Variants in CALN1 observed in about 807,000 individuals in gnomAD.
CALN1 encodes the protein calneuron 1.
CALN1 carries 17 observed loss-of-function variants against 30.6 expected under a neutral mutation model. The observed-to-expected ratio is 0.56, with a 90% CI of 0.38 to 0.83. The LOEUF is 0.83. Among genes scored for constraint, CALN1 ranks in the 40% least tolerant of loss-of-function variants. The pLI is 0.00. For synonymous variants in CALN1, 156 were observed against 131.4 expected (o/e 1.19, Z -1.28); for missense variants, 291 against 354.9 (o/e 0.82, Z 1.45).
intron 2 of CALN1, among the ~76,000 whole-genome samples, chr7:72,309,790 G>A (rs574066948): frequency 6.6e-6 from 1 of 152,200 alleles, no homozygotes; most frequent in African/African-American, 2.4e-5. Flanking sequence ...ACCTCATTTA[G>A]TCATCTCTCT....
chr7:72,348,141 CG>C (rs1375595796), intron 2 of CALN1, among the ~76,000 whole-genome samples: 2 of 152,228 alleles, frequency 1.3e-5, no homozygotes, highest in East Asian at 3.9e-4. Context: ...AAGAAACTAA[CG>C]GCAAAAACCT....
intron 5 of CALN1, among the ~76,000 whole-genome samples, chr7:71,911,849 G>A (rs1483951760): frequency 6.6e-6 from 1 of 152,052 alleles, no homozygotes; most frequent in African/African-American, 2.4e-5. Context: ...AGGTTTTCAG[G>A]ATATCCTGCC....
intron 2 of CALN1, among the ~76,000 whole-genome samples, chr7:72,346,214 T>C (rs1802633212): frequency 6.6e-6 from 1 of 152,182 alleles, no homozygotes; most frequent in Non-Finnish European, 1.5e-5. Context: ...AATTTAAAAA[T>C]AAACATCAAA....
chr7:72,252,772 C>T (rs1795650345), intron 3 of CALN1, among the ~76,000 whole-genome samples: 1 of 152,088 alleles, frequency 6.6e-6, no homozygotes, highest in African/African-American at 2.4e-5. Flanking sequence ...CCTGTTCCTG[C>T]TTATTTTATT....
In CALN1 at chr7:71,926,146, G is replaced by C. The variant is rs76018141; in HGVS notation, c.501+97511C>G. ...ACAGAAGCTAACTCCCCACATGCTC[G>C]GGCTCCCTAAGCAAGCTTCCTCCTC... On this transcript the variant is annotated intron_variant, in intron 5 of 6. Coordinates refer to ENST00000395275, the MANE Select transcript of CALN1 (RefSeq NM_031468.4). 3.0e-3 allele frequency among the ~76,000 whole-genome samples: 452 copies of C among 152,070 alleles called. 1 individual carries two copies. Among genetic ancestry groups the C allele is most frequent in the Non-Finnish European group, 5.3e-3 (361 of 67,968 alleles).
the CALN1 span, among the ~76,000 whole-genome samples, chr7:72,500,429 C>A: frequency 4.0e-5 from 6 of 151,430 alleles, no homozygotes; most frequent in African/African-American, 9.7e-5. Context: ...TGTAGGCATG[C>A]ACCACCACAC....
At chr7:71,946,134 A>G (rs925467262) in intron 5 of CALN1, among the ~76,000 whole-genome samples, 1 of 152,142 alleles carries the variant, frequency 6.6e-6, no homozygotes, top group Non-Finnish European at 1.5e-5. Context: ...GAAATTGTGG[A>G]TCTTAGGGAA....
At chr7:71,971,953 A>AAGAAAGAAAAGAAAG (rs1797838362) in intron 5 of CALN1, among the ~76,000 whole-genome samples, 2 of 72,838 alleles carry the variant, frequency 2.7e-5, no homozygotes, top group African/African-American at 1.4e-4. Flanking sequence ...AAAAAAAAAA[A>AAGAAAGAAAAGAAAG]AAAGAAAGAA....
intron 5 of CALN1, among the ~76,000 whole-genome samples, chr7:71,900,361 G>C (rs878973111): frequency 6.6e-6 from 1 of 152,156 alleles, no homozygotes. Flanking sequence ...AAAAGACAAA[G>C]TCAAATTATC....
rs1584471573 is a variant in CALN1, at chr7:71,898,378, G to A, written c.502-87886C>T. Among the ~76,000 whole-genome samples, 3 of 152,088 alleles carry A rather than the reference G, an allele frequency of 2.0e-5. No homozygotes were observed. The East Asian group carries it at 5.8e-4, about 29-fold the overall frequency. On this transcript the variant is annotated intron_variant, in intron 5 of 6. Coordinates refer to ENST00000395275, the MANE Select transcript of CALN1 (RefSeq NM_031468.4). ...ATATCCCAAAATTTAAAACTCAATA[G>A]TTGGGTGTAACAGCAGATTGGACAT...
rs1416693158 is a variant in CALN1 at position 72,254,961 on chromosome 7, G to C, written c.244+23725C>G. Among the ~76,000 whole-genome samples the C allele has an allele frequency of 3.3e-5, 5 of 152,000 alleles. No homozygotes were observed. In the East Asian group the frequency reaches 9.7e-4, roughly 30 times the overall value. ...ATGTTTTATTTATTTATTATTTATT[G>C]TTTGTATTTTTAGTAGAGATGGGGT... On this transcript the variant is annotated intron_variant, in intron 3 of 6. Coordinates refer to ENST00000395275, the MANE Select transcript of CALN1 (RefSeq NM_031468.4).
chr7:71,810,576 C>T, intron 5 of CALN1, 84 bp from the exon 6 acceptor site: 2 of 1,396,722 alleles, frequency 1.4e-6, no homozygotes, highest in Non-Finnish European at 2.0e-6. Context: ...AGACCCACAG[C>T]TGCTCTGCAG....
chr7:72,184,538 T>C (rs955007245), intron 3 of CALN1, among the ~76,000 whole-genome samples: 1 of 152,340 alleles, frequency 6.6e-6, no homozygotes, highest in East Asian at 1.9e-4. Context: ...CACTCAGTAG[T>C]GGTTGGCTCT....
At chr7:72,317,668 C>T (rs1352630209) in intron 2 of CALN1, among the ~76,000 whole-genome samples, 1 of 152,068 alleles carries the variant, frequency 6.6e-6, no homozygotes, top group Non-Finnish European at 1.5e-5. Context: ...GGAAGTCCCC[C>T]CCAGACTCAG....
At chr7:71,788,480 T>A (rs535337033) in intron 6 of CALN1, among the ~76,000 whole-genome samples, 1 of 132,616 alleles carries the variant, frequency 7.5e-6, no homozygotes, top group Non-Finnish European at 1.7e-5. Flanking sequence ...ACTAAGAGGT[T>A]TTTTTTTGTT....
chr7:72,151,272 T>TGGCAATCTTTAGC (rs1787222693), intron 3 of CALN1, among the ~76,000 whole-genome samples: 1 of 152,174 alleles, frequency 6.6e-6, no homozygotes, highest in African/African-American at 2.4e-5. Context: ...TGGAGTCTGC[T>TGGCAATCTTTAGC]GGCAATCTTT....
intron 2 of CALN1, among the ~76,000 whole-genome samples, chr7:72,395,248 C>G (rs1562944923): frequency 6.6e-6 from 1 of 152,126 alleles, no homozygotes; most frequent in South Asian, 2.1e-4. Context: ...AGTTATCTAT[C>G]ATTTGCATTG....
intron 5 of CALN1, among the ~76,000 whole-genome samples, chr7:71,822,341 C>T (rs746068013): frequency 9.9e-5 from 15 of 152,008 alleles, no homozygotes; most frequent in Admixed American, 3.3e-4. Context: ...CTCCGCCTCC[C>T]GGGTTCAAGT....
intron 3 of CALN1, among the ~76,000 whole-genome samples, chr7:72,166,220 T>C (rs1788513864): frequency 6.6e-6 from 1 of 151,910 alleles, no homozygotes; most frequent in Admixed American, 6.5e-5. Context: ...TTGTTTGTTT[T>C]TGAGACAGGT....
Sources: allele counts gnomAD v4.1 joint callset (sites outside exome capture counted in the v4.1 genomes callset), GRCh38; gene constraint gnomAD v4.1.1; transcripts MANE v1.5; gene names NCBI Gene and HGNC (gene_info 2026-07-23, HGNC 2026-07-21).